Variants in NRXN1 observed in about 807,000 individuals in gnomAD.
NRXN1 encodes the protein neurexin 1, also known as neurexin-1.
A neutral mutation model predicts 150.9 loss-of-function variants in NRXN1; 39 were observed. The ratio of observed to expected loss-of-function variants is 0.26; its 90% confidence interval spans 0.20 to 0.34. NRXN1 has a LOEUF of 0.34. Among genes scored for constraint, NRXN1 ranks in the 10% least tolerant of loss-of-function variants. NRXN1 has a pLI of 1.00. For synonymous variants in NRXN1, 924 were observed against 757.0 expected (o/e 1.22, Z -3.62); for missense variants, 1,815 against 1,949.9 (o/e 0.93, Z 1.30).
At chr2:50,596,631 A>G (rs901243239) in intron 8 of NRXN1, among the ~76,000 whole-genome samples, 1 of 152,296 alleles carries the variant, frequency 6.6e-6, no homozygotes, top group East Asian at 1.9e-4. Context: ...TACTAGAAGA[A>G]AGGGCTCAGC....
intron 2 of NRXN1, among the ~76,000 whole-genome samples, chr2:50,998,632 C>T (rs982847575): frequency 6.6e-6 from 1 of 151,944 alleles, no homozygotes; most frequent in Non-Finnish European, 1.5e-5. Flanking sequence ...GAATATGACA[C>T]ATATTTAAAT....
At chr2:50,082,932 T>G (rs373653181) in intron 19 of NRXN1, among the ~76,000 whole-genome samples, 27 of 152,350 alleles carry the variant, frequency 1.8e-4, no homozygotes, top group African/African-American at 6.5e-4. Context: ...TTTCTCAGAT[T>G]ATTTCAATTT....
intron 18 of NRXN1, among the ~76,000 whole-genome samples, chr2:50,125,995 T>C (rs1452363932): frequency 1.3e-5 from 2 of 152,136 alleles, no homozygotes; most frequent in African/African-American, 4.8e-5. Context: ...TTAGGAAATA[T>C]GCTGTTTTAT....
At chr2:50,896,720 C>A (rs987518015) in intron 5 of NRXN1, among the ~76,000 whole-genome samples, 1 of 152,066 alleles carries the variant, frequency 6.6e-6, no homozygotes, top group Non-Finnish European at 1.5e-5. Context: ...GTGGGGCATG[C>A]CCATAGTCCC....
intron 5 of NRXN1, among the ~76,000 whole-genome samples, chr2:50,915,210 C>A (rs1030206443): frequency 3.3e-5 from 5 of 151,664 alleles, no homozygotes; most frequent in Admixed American, 6.6e-5. Context: ...AATATAGACA[C>A]CTCAGAAATA....
intron 17 of NRXN1, among the ~76,000 whole-genome samples, chr2:50,389,689 T>C (rs1001138184): frequency 2.0e-5 from 3 of 152,138 alleles, no homozygotes; most frequent in Non-Finnish European, 4.4e-5. Flanking sequence ...AGTTAATAAA[T>C]TGCTATTTTT....
intron 22 of NRXN1, among the ~76,000 whole-genome samples, chr2:49,928,745 G>A (rs1049447001): frequency 6.6e-5 from 10 of 152,140 alleles, no homozygotes; most frequent in African/African-American, 2.4e-4. Flanking sequence ...TACATTTGTA[G>A]GAAAGCAGGG....
intron 18 of NRXN1, among the ~76,000 whole-genome samples, chr2:50,111,210 A>G (rs1320472292): frequency 1.3e-5 from 2 of 152,190 alleles, no homozygotes; most frequent in Non-Finnish European, 2.9e-5. Context: ...AAGTGATCTT[A>G]GGCCCAAACT....
At chr2:50,950,780 A>G (rs931902648) in intron 2 of NRXN1, among the ~76,000 whole-genome samples, 3 of 152,236 alleles carry the variant, frequency 2.0e-5, no homozygotes, top group Non-Finnish European at 4.4e-5. Flanking sequence ...GGTCCATGCT[A>G]ATAACTTTTT....
At chr2:51,000,812 A>T (rs1699943739) in intron 2 of NRXN1, among the ~76,000 whole-genome samples, 1 of 152,004 alleles carries the variant, frequency 6.6e-6, no homozygotes, top group South Asian at 2.1e-4. Flanking sequence ...TTTCCAATAA[A>T]AATTAAAACC....
chr2:50,782,467 TCAAACAAA>T (rs10599549), intron 5 of NRXN1, among the ~76,000 whole-genome samples: 1 of 151,854 alleles, frequency 6.6e-6, no homozygotes, highest in Non-Finnish European at 1.5e-5. Flanking sequence ...AGACTCTGTC[TCAAACAAA>T]CAAACAAACA....
Position 50,327,344 on chromosome 2 carries a change from T to C in NRXN1, c.3365-90374A>G, listed in dbSNP as rs190659130. On this transcript the variant is annotated intron_variant, in intron 17 of 22. Transcript: ENST00000401669. ...ACTTCAGGACAGGGAAAATCACTTA[T>C]GATGATAGTTATCAGAATAGCAGCT... Among the ~76,000 whole-genome samples the C allele has an allele frequency of 5.3e-5, 8 of 152,310 alleles. No homozygotes were observed. The East Asian group carries it at 5.8e-4, about 11-fold the overall frequency.
chr2:50,419,544 A>G (rs1011847996), intron 17 of NRXN1, among the ~76,000 whole-genome samples: 10 of 151,910 alleles, frequency 6.6e-5, no homozygotes, highest in African/African-American at 2.4e-4. Context: ...ATTTTTGTCC[A>G]ATTTTCATTA....
chr2:50,109,097 T>A (rs1004167279), intron 18 of NRXN1, among the ~76,000 whole-genome samples: 1 of 152,196 alleles, frequency 6.6e-6, no homozygotes, highest in Admixed American at 6.5e-5. Context: ...TTTTGGCAAG[T>A]GTTTCTAAAT....
chr2:50,693,484 C>T (rs1692357513), intron 5 of NRXN1, among the ~76,000 whole-genome samples: 1 of 152,084 alleles, frequency 6.6e-6, no homozygotes, highest in Non-Finnish European at 1.5e-5. Context: ...TGGACTTCCT[C>T]CTGCCTACAA....
At chr2:50,344,811 A>G (rs1011112544) in intron 17 of NRXN1, among the ~76,000 whole-genome samples, 2 of 152,142 alleles carry the variant, frequency 1.3e-5, no homozygotes, top group Non-Finnish European at 2.9e-5. Flanking sequence ...AGACACAGAA[A>G]AGGAGAAGTT....
chr2:50,916,616 G>A (rs903823959), intron 5 of NRXN1, among the ~76,000 whole-genome samples: 3 of 151,476 alleles, frequency 2.0e-5, no homozygotes, highest in South Asian at 2.1e-4. Context: ...TCAGTAAAAC[G>A]CATCTAAGTT....
chr2:50,007,766 T>G (rs916458806), intron 21 of NRXN1, among the ~76,000 whole-genome samples: 1 of 152,142 alleles, frequency 6.6e-6, no homozygotes, highest in Non-Finnish European at 1.5e-5. Context: ...GATTGCTGGG[T>G]CAAATGGTAT....
rs370984350 is a variant in NRXN1 at position 50,169,954 on chromosome 2, A to G, written c.3546+66835T>C. Among the ~76,000 whole-genome samples, 9 of 152,220 alleles carry G rather than the reference A, an allele frequency of 5.9e-5. No homozygotes were observed. The East Asian group carries it at 1.4e-3, about 23-fold the overall frequency. On this transcript the variant is annotated intron_variant, in intron 18 of 22. Coordinates refer to ENST00000401669, the MANE Select transcript of NRXN1 (RefSeq NM_001330078.2). Reference sequence around the variant, plus strand: ...AAGATCATGGCAGTCTTAGTATCACACCAAGAACTTTGACTTTGTTCTACA... The same window carrying G: ...AAGATCATGGCAGTCTTAGTATCACGCCAAGAACTTTGACTTTGTTCTACA...
Sources: allele counts gnomAD v4.1 joint callset (sites outside exome capture counted in the v4.1 genomes callset), GRCh38; gene constraint gnomAD v4.1.1; transcripts MANE v1.5; gene names NCBI Gene and HGNC (gene_info 2026-07-23, HGNC 2026-07-21).